The following PCNX1 variants were observed in gnomAD, a reference collection of about 807,000 sequenced individuals.
PCNX1 encodes pecanex-like protein 1.
A neutral mutation model predicts 242.2 loss-of-function variants in PCNX1; 78 were observed. The ratio of observed to expected loss-of-function variants is 0.32; its 90% CI spans 0.27 to 0.39. PCNX1 has a LOEUF of 0.39. Among genes scored for constraint, PCNX1 ranks in the 10% least tolerant of loss-of-function variants. The pLI, the probability that PCNX1 is intolerant of heterozygous loss-of-function variation, is 1.00. For missense variants in PCNX1, 2,581 were observed against 2,856.5 expected (o/e 0.90, Z 2.20); for synonymous variants, 1,024 against 1,032.9 (o/e 0.99, Z 0.17).
intron 1 of PCNX1, among the ~76,000 whole-genome samples, chr14:70,943,873 G>C (rs2057360900): frequency 6.6e-6 from 1 of 152,230 alleles, no homozygotes; most frequent in South Asian, 2.1e-4. Context: ...TGCAGCTCAG[G>C]CTGTTGCTTC....
At chr14:70,984,735 C>G (rs1412669590) in intron 6 of PCNX1, among the ~76,000 whole-genome samples, 1 of 152,118 alleles carries the variant, frequency 6.6e-6, no homozygotes, top group Non-Finnish European at 1.5e-5. Context: ...ATACTCACAG[C>G]TTCCAATTTT....
chr14:70,913,272 T>A (rs1219346462), intron 1 of PCNX1, among the ~76,000 whole-genome samples: 1 of 152,210 alleles, frequency 6.6e-6, no homozygotes, highest in Non-Finnish European at 1.5e-5. Context: ...ACTTGTTAAC[T>A]GATGTAGAAT....
intron 7 of PCNX1, among the ~76,000 whole-genome samples, chr14:70,989,493 T>C (rs1183756043): frequency 6.6e-6 from 1 of 151,736 alleles, no homozygotes; most frequent in Non-Finnish European, 1.5e-5. Context: ...TCCAAAAGAC[T>C]TGGGCTTTAA....
chr14:71,009,655 A>T lies in PCNX1; in HGVS notation c.2651A>T (p.Tyr884Phe). Residue 884 changes from tyrosine to phenylalanine, a missense_variant, in exon 9 of 36, where the codon TAT (tyrosine) becomes TTT (phenylalanine). This residue lies in a region of PCNX1 where 1,204 missense variants were observed against 1,216.7 expected (regional missense o/e 0.99). Transcript: ENST00000304743. Reference protein sequence around the residue: ...DELGKFSSTLYETGGCDMSLV... With the variant: ...DELGKFSSTLFETGGCDMSLV... ...CTAGGTAAGTTCTCTTCTACGCTGTATGAGACTGGTGGCTGTGATATGTCA... is the reference window on the plus strand; with the variant it reads ...CTAGGTAAGTTCTCTTCTACGCTGTTTGAGACTGGTGGCTGTGATATGTCA... 1 of 1,602,088 alleles carries T rather than the reference A, an allele frequency of 6.2e-7. No homozygotes were observed. Among genetic ancestry groups the T allele is most frequent in the Non-Finnish European group, 8.5e-7 (1 of 1,170,970 alleles).
At chr14:71,030,037 G>A (rs1219198145) in intron 16 of PCNX1, among the ~76,000 whole-genome samples, 1 of 152,156 alleles carries the variant, frequency 6.6e-6, no homozygotes, top group Non-Finnish European at 1.5e-5. Context: ...TAAATACCTA[G>A]AAATGGAATT....
rs550634494 is a variant in PCNX1 at position 71,053,569 on chromosome 14, C to T, written c.4577+1557C>T. On this transcript the variant is annotated intron_variant, in intron 24 of 35. Coordinates refer to ENST00000304743, the MANE Select transcript of PCNX1 (RefSeq NM_014982.3). ...CTGAGCTCAGGTGATCCACCCGCTT[C>T]GGCCTCCCAAAGTGCTGGGATTACA... Among the ~76,000 whole-genome samples the T allele has an allele frequency of 8.2e-4, 125 of 152,262 alleles. 1 individual carries two copies. The highest frequency in any genetic ancestry group is 2.7e-3 in the African/African-American group (113 of 41,540).
intron 2 of PCNX1, among the ~76,000 whole-genome samples, chr14:70,956,010 C>T (rs1433865299): frequency 3.3e-5 from 5 of 151,998 alleles, no homozygotes; most frequent in Admixed American, 1.3e-4. Context: ...TCCCCCAGGG[C>T]ACATGTAGCA....
chr14:70,925,713 T>C (rs191987165), intron 1 of PCNX1, among the ~76,000 whole-genome samples: 10 of 152,288 alleles, frequency 6.6e-5, no homozygotes, highest in Admixed American at 2.0e-4. Context: ...TGTGCTGTTA[T>C]ATACCCATGC....
At chr14:70,955,660 C>T (rs993353788) in intron 2 of PCNX1, among the ~76,000 whole-genome samples, 1 of 152,164 alleles carries the variant, frequency 6.6e-6, no homozygotes, top group Non-Finnish European at 1.5e-5. Flanking sequence ...CACTTTGCTA[C>T]TGTGAGAATT....
chr14:70,977,021 T>C lies in PCNX1; in HGVS notation c.684T>C (p.Cys228=). 1 of 1,614,192 alleles carries C rather than the reference T, an allele frequency of 6.2e-7. No individual in the cohort carries two copies. Among genetic ancestry groups the C allele is most frequent in the East Asian group, 2.2e-5 (1 of 44,888 alleles). The change falls in exon 6 of 36, where the codon TGT becomes TGC. Residue 228 remains cysteine (C), a synonymous_variant. Coordinates refer to ENST00000304743, the MANE Select transcript of PCNX1 (RefSeq NM_014982.3). ...CTATTCAGCCTTCCTTATCCTCTTG[T>C]GGACAGGACTTGCCAAGGGACTTCA... ...FISIQPSLSS[C]GQDLPRDFSD...
intron 19 of PCNX1, among the ~76,000 whole-genome samples, chr14:71,040,577 A>T (rs2141032120): frequency 6.6e-6 from 1 of 152,204 alleles, no homozygotes; most frequent in African/African-American, 2.4e-5. Context: ...TACATGAGAT[A>T]CTTTGATACA....
intron 15 of PCNX1, chr14:71,027,104 A>T: frequency 2.5e-6 from 1 of 394,604 alleles, no homozygotes; most frequent in South Asian, 3.9e-5. Flanking sequence ...AATGAAGCAG[A>T]TGTTTAAGAA....
At chr14:70,921,265 G>A (rs551265024) in intron 1 of PCNX1, among the ~76,000 whole-genome samples, 56 of 152,036 alleles carry the variant, frequency 3.7e-4, no homozygotes, top group Non-Finnish European at 7.1e-4. Flanking sequence ...AGACCCTCAT[G>A]ACCCTCATGA....
chr14:71,017,943 T>C (rs1433083909), intron 11 of PCNX1, among the ~76,000 whole-genome samples: 1 of 152,190 alleles, frequency 6.6e-6, no homozygotes, highest in Non-Finnish European at 1.5e-5. Context: ...GGTTAATATA[T>C]TTGTTAAGTT....
At chr14:70,971,114 A>ATTTTTT (rs2058525883) in intron 5 of PCNX1, among the ~76,000 whole-genome samples, 1 of 24,556 alleles carries the variant, frequency 4.1e-5, no homozygotes, top group Non-Finnish European at 7.4e-5. Context: ...TACTTTATAT[A>ATTTTTT]GTTTTTTTTT....
At chr14:70,962,022 G>A (rs2058233331) in intron 2 of PCNX1, among the ~76,000 whole-genome samples, 1 of 151,262 alleles carries the variant, frequency 6.6e-6, no homozygotes, top group Non-Finnish European at 1.5e-5. Context: ...ATATTTTCAA[G>A]TAGTGATGTG....
In PCNX1 at chr14:71,050,637, C is replaced by A; in HGVS notation, c.4339-15C>A. Reference sequence around the variant, plus strand: ...TTTTTTTTTTTTACTGACAGCCATTCTTTTCCTCCTGCAGCTTTGGGAACT... The same window carrying A: ...TTTTTTTTTTTTACTGACAGCCATTATTTTCCTCCTGCAGCTTTGGGAACT... On this transcript the variant is annotated splice_polypyrimidine_tract_variant and intron_variant, in intron 22 of 35. Transcript: ENST00000304743. 1.3e-6 allele frequency: 2 copies of A among 1,526,714 alleles called. No homozygotes were observed. Among genetic ancestry groups the A allele is most frequent in the South Asian group, 1.3e-5 (1 of 78,990 alleles). The allele number at this position is 1,526,714 out of a possible 1,614,324, so 94.6% of individuals were successfully genotyped here.
chr14:70,991,977 G>A (rs577879573), intron 7 of PCNX1, among the ~76,000 whole-genome samples: 1 of 152,168 alleles, frequency 6.6e-6, no homozygotes, highest in Admixed American at 6.5e-5. Context: ...CAAGGATTGG[G>A]AGTGAATTAT....
chr14:71,065,900 G>A (rs2061434179), intron 26 of PCNX1, among the ~76,000 whole-genome samples: 1 of 152,126 alleles, frequency 6.6e-6, no homozygotes, highest in African/African-American at 2.4e-5. Flanking sequence ...TTTTTGTCAG[G>A]TTTGTCAAAG....
Sources: allele counts gnomAD v4.1 joint callset (sites outside exome capture counted in the v4.1 genomes callset), GRCh38; gene constraint gnomAD v4.1.1; regional missense constraint gnomAD v4.1.1; transcripts MANE v1.5; gene names NCBI Gene and HGNC (gene_info 2026-07-23, HGNC 2026-07-21).